Variants in SLITRK6 observed in about 807,000 individuals in gnomAD.
SLITRK6 encodes the protein SLIT and NTRK-like protein 6.
Under a neutral mutation model 55.6 loss-of-function variants are expected in SLITRK6, and 35 were observed. The observed-to-expected ratio is 0.63, with a 90% CI of 0.48 to 0.83. SLITRK6 has a LOEUF of 0.83. Ranked by LOEUF, SLITRK6 falls within the 40% of genes least tolerant of loss-of-function variation. The probability of loss-of-function intolerance (pLI) is 0.00; values close to 1 mark genes in which losing one functional copy is unlikely to be tolerated. For missense variants in SLITRK6, 977 were observed against 986.4 expected (o/e 0.99, Z 0.13); for synonymous variants, 392 against 359.6 (o/e 1.09, Z -1.02).
At chr13:85,797,033 A>T (rs1247006300) in intron 1 of SLITRK6, among the ~76,000 whole-genome samples, 1 of 151,580 alleles carries the variant, frequency 6.6e-6, no homozygotes, top group East Asian at 1.9e-4. Context: ...ATGTGTGCAT[A>T]TGTGTATGTG....
chr13:85,795,010 C>A lies in SLITRK6; in HGVS notation c.1499G>T (p.Ser500Ile). ...CAAATCAAGATCATCCAAAATATTA[C>A]TTACAGGTAGATGGGTAAACTGGTT... Reference protein sequence around the residue: ...KTNQFTHLPVSNILDDLDLLT... With the variant: ...KTNQFTHLPVINILDDLDLLT... The change falls in exon 2 of 2, where the codon AGT (serine) becomes ATT (isoleucine). Residue 500 changes from serine to isoleucine, a missense_variant. Coordinates refer to ENST00000647374, the MANE Select transcript of SLITRK6 (RefSeq NM_032229.3). 1 of 1,612,996 alleles carries A rather than the reference C, an allele frequency of 6.2e-7. No individual in the cohort carries two copies. Among genetic ancestry groups the A allele is most frequent in the Non-Finnish European group, 8.5e-7 (1 of 1,179,388 alleles).
At position 85,794,428 on chromosome 13, in the gene SLITRK6, G is replaced by C. The variant is rs764239171; in HGVS notation, c.2081C>G (p.Ser694Cys). The change falls in exon 2 of 2, where the codon TCC becomes TGC. Residue 694 changes from serine (S) to cysteine (C), a missense_variant. By Grantham distance (112) the Ser-to-Cys change is moderately radical. Transcript: ENST00000647374. ...CTCTTCCAGATGCTTTGGACCAAAG[G>C]ATGGACTTCTATAGACATGAACCAT... ...SPMVHVYRSP[S>C]FGPKHLEEEE... 12 of 1,613,060 alleles carry C rather than the reference G, an allele frequency of 7.4e-6. No homozygotes were observed. The highest frequency in any genetic ancestry group is 9.3e-6 in the Non-Finnish European group (11 of 1,179,532).
chr13:85,793,947 T>G lies in SLITRK6; in HGVS notation c.*36A>C, dbSNP rs781609775. On this transcript the variant is annotated 3_prime_UTR_variant, in exon 2 of 2. Transcript: ENST00000647374. ...TACAAGGTATGGACTTAAAACAGAA[T>G]CACAGCATTTCTGCGAAAGCCCTCA... is the stretch of plus-strand genomic sequence containing the variant. The G allele has an allele frequency of 2.8e-5, 44 of 1,550,128 alleles. No homozygotes were observed. The highest frequency in any genetic ancestry group is 3.6e-5 in the Non-Finnish European group (42 of 1,151,658).
In SLITRK6 at chr13:85,795,616, G is replaced by T. The variant is rs1874693151; in HGVS notation, c.893C>A (p.Thr298Asn). The change falls in exon 2 of 2, where the codon ACT (threonine) becomes AAT (asparagine). Residue 298 changes from threonine (T) to asparagine (N), a missense_variant. Coordinates refer to ENST00000647374, the MANE Select transcript of SLITRK6 (RefSeq NM_032229.3). Reference protein sequence around the residue: ...TSSINDSRMSTKTTSILKLPT... With the variant: ...TSSINDSRMSNKTTSILKLPT... ...TAGTTTTAGAATGGACGTGGTCTTA[G>T]TTGACATGCGACTATCATTTATTGA... is the stretch of plus-strand genomic sequence containing the variant. 6.2e-7 allele frequency: 1 copy of T among 1,612,930 alleles called. No homozygotes were observed. Among genetic ancestry groups the T allele is most frequent in the South Asian group, 1.1e-5 (1 of 91,072 alleles).
At position 85,796,336 on chromosome 13, in the gene SLITRK6, T is replaced by G; in HGVS notation, c.173A>C (p.Glu58Ala). 1.9e-6 allele frequency: 3 copies of G among 1,612,446 alleles called. No homozygotes were observed. The highest frequency in any genetic ancestry group is 2.5e-6 in the Non-Finnish European group (3 of 1,179,208). Residue 58 changes from glutamate (E) to alanine (A), a missense_variant, in exon 2 of 2, where the codon GAA becomes GCA. By Grantham distance (107) the Glu-to-Ala change is moderately radical. Transcript: ENST00000647374. Reference sequence around the variant, plus strand: ...AGGTCGTGATGGTGGCACACTTATTTCAGATACCATCTTGATACCTTTTGC... The same window carrying G: ...AGGTCGTGATGGTGGCACACTTATTGCAGATACCATCTTGATACCTTTTGC... ...CEAKGIKMVSEISVPPSRPFQ... is the reference protein window; with the variant it reads ...CEAKGIKMVSAISVPPSRPFQ...
chr13:85,796,576 C>A, intron 1 of SLITRK6, 44 bp from the exon 2 acceptor site: 8 of 1,405,142 alleles, frequency 5.7e-6, no homozygotes, highest in Non-Finnish European at 6.5e-6. Flanking sequence ...GTGGGCAGAA[C>A]TGGGGAGGAG....
chr13:85,797,712 C>G (rs1874767184), intron 1 of SLITRK6, among the ~76,000 whole-genome samples: 1 of 151,714 alleles, frequency 6.6e-6, no homozygotes, highest in African/African-American at 2.4e-5. Context: ...TATTCTAATC[C>G]TGAAACACAT....
Position 85,795,643 on chromosome 13 carries a change from G to A in SLITRK6, c.866C>T (p.Ser289Phe), listed in dbSNP as rs200584195. Residue 289 changes from serine to phenylalanine, a missense_variant, in exon 2 of 2, where the codon TCT becomes TTT. By Grantham distance (155) the Ser-to-Phe change is radical. Coordinates refer to ENST00000647374, the MANE Select transcript of SLITRK6 (RefSeq NM_032229.3). ...PSGSLHLAATSSINDSRMSTK... is the reference protein window; with the variant it reads ...PSGSLHLAATFSINDSRMSTK... ...TGACATGCGACTATCATTTATTGAA[G>A]ATGTTGCTGCCAGATGTAATGATCC... The A allele has an allele frequency of 1.9e-6, 3 of 1,612,948 alleles. No individual in the cohort carries two copies. The African/African-American group carries it at 4.0e-5, about 22-fold the overall frequency.
Position 85,794,858 on chromosome 13 carries a change from G to A in SLITRK6, c.1651C>T (p.His551Tyr), listed in dbSNP as rs1296277131. The A allele has an allele frequency of 6.2e-7, 1 of 1,612,976 alleles. No individual in the cohort carries two copies. The highest frequency in any genetic ancestry group is 2.2e-5 in the East Asian group (1 of 44,834). ...GCTTTCAATTCCTTTTTGTCGAGAT[G>A]CCCGGGGGAAGTGCAGAGGATGTCA... ...TDDILCTSPG[H>Y]LDKKELKALN... Residue 551 changes from histidine (H) to tyrosine (Y), a missense_variant, in exon 2 of 2, where the codon CAT (histidine) becomes TAT (tyrosine). By Grantham distance (83) the His-to-Tyr change is moderately conservative (BLOSUM62 2). Transcript: ENST00000647374.
rs1168518123 is a variant in SLITRK6 at position 85,796,239 on chromosome 13, A to G, written c.270T>C (p.Ala90=). The G allele has an allele frequency of 1.9e-6, 3 of 1,612,960 alleles. No homozygotes were observed. In the South Asian group the frequency reaches 3.3e-5, roughly 18 times the overall value. Residue 90 remains alanine, a synonymous_variant, in exon 2 of 2, where the codon GCT becomes GCC. Coordinates refer to ENST00000647374, the MANE Select transcript of SLITRK6 (RefSeq NM_032229.3). ...TGTTAAATCCAAGGTGTATTGAAAT[A>G]GCATTGGTAAGCCCAGAAAAGTCAT... ...HTNDFSGLTN[A]ISIHLGFNNI... is the part of the protein sequence containing the mutation.
chr13:85,794,669 G>A lies in SLITRK6; in HGVS notation c.1840C>T (p.Leu614Phe), dbSNP rs766450348. The change falls in exon 2 of 2, where the codon CTT (leucine) becomes TTT (phenylalanine). Residue 614 changes from leucine to phenylalanine, a missense_variant. By Grantham distance (22) the Leu-to-Phe change is conservative. Transcript: ENST00000647374. ...AVPLSVLILGLLIMFITIVFC... is the reference protein window; with the variant it reads ...AVPLSVLILGFLIMFITIVFC... ...ACAATAGTGATGAACATAATCAGAA[G>A]TCCCAATATTAGAACAGACAGTGGC... The A allele has an allele frequency of 3.1e-6, 5 of 1,613,256 alleles. No individual in the cohort carries two copies. Among genetic ancestry groups the A allele is most frequent in the Non-Finnish European group, 4.2e-6 (5 of 1,179,524 alleles).
chr13:85,795,990 C>T lies in SLITRK6; in HGVS notation c.519G>A (p.Glu173=). Residue 173 remains glutamate, a synonymous_variant, in exon 2 of 2, where the codon GAG becomes GAA. Transcript: ENST00000647374. ...ATCGGAAGATGTTTGGAGGAAGACT[C>T]TCAATAGCATTGTCATTTAAAATTA... The part of the protein sequence containing the change: ...KVLILNDNAI[E]SLPPNIFRFV... 6.2e-7 allele frequency: 1 copy of T among 1,613,082 alleles called. No individual in the cohort carries two copies. The highest frequency in any genetic ancestry group is 8.5e-7 in the Non-Finnish European group (1 of 1,179,434).
At chr13:85,797,718 C>T (rs1371424627) in intron 1 of SLITRK6, among the ~76,000 whole-genome samples, 2 of 151,790 alleles carry the variant, frequency 1.3e-5, no homozygotes, top group Non-Finnish European at 2.9e-5. Flanking sequence ...AATCCTGAAA[C>T]ACATAACAAA....
At position 85,795,751 on chromosome 13, in the gene SLITRK6, A is replaced by C. The variant is rs1436270401; in HGVS notation, c.758T>G (p.Phe253Cys). ...TAGTCTACTGAGTATACTTCCTTTA[A>C]AAAATGGAGGGCTGTTGCAGACAAC... ...GDVVCNSPPF[F>C]KGSILSRLKK... The change falls in exon 2 of 2, where the codon TTT becomes TGT. Residue 253 changes from phenylalanine (F) to cysteine (C), a missense_variant. Phe to Cys is a radical substitution (Grantham distance 205, BLOSUM62 -2). Transcript: ENST00000647374. The C allele has an allele frequency of 6.2e-7, 1 of 1,612,782 alleles. No individual in the cohort carries two copies. Among genetic ancestry groups the C allele is most frequent in the Non-Finnish European group, 8.5e-7 (1 of 1,179,312 alleles).
intron 1 of SLITRK6, among the ~76,000 whole-genome samples, chr13:85,797,745 A>G (rs1168784291): frequency 1.3e-5 from 2 of 151,920 alleles, no homozygotes; most frequent in Non-Finnish European, 1.5e-5. Flanking sequence ...TGAAACAGCA[A>G]TTCTTAAAAA....
In SLITRK6 at chr13:85,794,464, A is replaced by C. The variant is rs1196533006; in HGVS notation, c.2045T>G (p.Met682Arg). The C allele has an allele frequency of 2.5e-6, 4 of 1,613,322 alleles. No individual in the cohort carries two copies. Among genetic ancestry groups the C allele is most frequent in the South Asian group, 1.1e-5 (1 of 91,076 alleles). The change falls in exon 2 of 2, where the codon ATG becomes AGG. Residue 682 changes from methionine (M) to arginine (R), a missense_variant. Transcript: ENST00000647374. ...ATAGACATGAACCATGGGGCTCACC[A>C]TGTGCTGTTCATAGAGTGAGGCAGA... is the stretch of plus-strand genomic sequence containing the variant. The part of the protein sequence containing the change: ...RPSASLYEQH[M>R]VSPMVHVYRS...
chr13:85,793,763 AG>A lies in SLITRK6; in HGVS notation c.*219del, dbSNP rs1874611764. The A allele has an allele frequency of 2.2e-6, 1 of 450,140 alleles. No homozygotes were observed. The highest frequency in any genetic ancestry group is 3.8e-6 in the Non-Finnish European group (1 of 259,908). 27.9% of individuals were successfully genotyped at this position (450,140 alleles called of 1,614,324 possible). The stretch of plus-strand genomic sequence containing the variant: ...ATAATCCTTGAATGATTTACATGCA[AG>A]GATTTATTTTATTTGGGACAGACTA... On this transcript the variant is annotated 3_prime_UTR_variant, in exon 2 of 2. Transcript: ENST00000647374.
At position 85,793,928 on chromosome 13, in the gene SLITRK6, G is replaced by T. The variant is rs1874617036; in HGVS notation, c.*55C>A. The T allele has an allele frequency of 3.9e-6, 6 of 1,538,218 alleles. No individual in the cohort carries two copies. In the South Asian group the frequency reaches 7.8e-5, roughly 20 times the overall value. On this transcript the variant is annotated 3_prime_UTR_variant, in exon 2 of 2. Coordinates refer to ENST00000647374, the MANE Select transcript of SLITRK6 (RefSeq NM_032229.3). ...CTCACGTAAGGCACTTATTTACAAG[G>T]TATGGACTTAAAACAGAATCACAGC...
chr13:85,795,546 G>A lies in SLITRK6; in HGVS notation c.963C>T (p.Ser321=), dbSNP rs202000197. Residue 321 remains serine (S), a synonymous_variant, in exon 2 of 2, where the codon TCC becomes TCT. Coordinates refer to ENST00000647374, the MANE Select transcript of SLITRK6 (RefSeq NM_032229.3). The part of the protein sequence containing the change: ...PGLIPYITKP[S]TQLPGPYCPI... ...GGCAGTAAGGTCCTGGAAGTTGAGT[G>A]GATGGCTTTGTAATATAAGGTATCA... 2 of 1,612,832 alleles carry A rather than the reference G, an allele frequency of 1.2e-6. No homozygotes were observed. Among genetic ancestry groups the A allele is most frequent in the Non-Finnish European group, 1.7e-6 (2 of 1,179,344 alleles).
Sources: allele counts gnomAD v4.1 joint callset (sites outside exome capture counted in the v4.1 genomes callset), GRCh38; gene constraint gnomAD v4.1.1; transcripts MANE v1.5; gene names NCBI Gene and HGNC (gene_info 2026-07-23, HGNC 2026-07-21).